Variants in AOAH observed in about 807,000 individuals in gnomAD.
AOAH encodes acyloxyacyl hydrolase (neutrophil).
A neutral mutation model predicts 92.2 loss-of-function variants in AOAH; 64 were observed. That is an observed-to-expected ratio of 0.69 (90% CI 0.57 to 0.86). The LOEUF (loss-of-function observed/expected upper bound fraction) is 0.86. Ranked by LOEUF, AOAH falls within the 40% of genes least tolerant of loss-of-function variation. AOAH has a pLI of 0.00. For synonymous variants in AOAH, 263 were observed against 254.5 expected (o/e 1.03, Z -0.32); for missense variants, 656 against 694.6 (o/e 0.94, Z 0.62).
intron 11 of AOAH, among the ~76,000 whole-genome samples, chr7:36,596,175 C>G (rs1222588231): frequency 1.4e-5 from 2 of 145,562 alleles, no homozygotes; most frequent in Non-Finnish European, 1.5e-5. Context: ...CCCCCCACCC[C>G]CCGTCACCTT....
At chr7:36,577,503 A>C (rs1197295741) in intron 12 of AOAH, among the ~76,000 whole-genome samples, 1 of 152,176 alleles carries the variant, frequency 6.6e-6, no homozygotes, top group African/African-American at 2.4e-5. Flanking sequence ...GTGTGAGAGA[A>C]ATAAACTCAT....
intron 11 of AOAH, among the ~76,000 whole-genome samples, chr7:36,610,630 T>C (rs999032332): frequency 6.6e-6 from 1 of 152,206 alleles, no homozygotes; most frequent in African/African-American, 2.4e-5. Context: ...ATAATTTCTT[T>C]ATTTTCACAT....
At chr7:36,634,453 A>G (rs539551183) in intron 5 of AOAH, among the ~76,000 whole-genome samples, 2 of 152,236 alleles carry the variant, frequency 1.3e-5, no homozygotes, top group East Asian at 3.9e-4. Context: ...TGCTTGCTCA[A>G]TCAATCACGA....
At chr7:36,596,451 T>C (rs1473440080) in intron 11 of AOAH, among the ~76,000 whole-genome samples, 1 of 152,146 alleles carries the variant, frequency 6.6e-6, no homozygotes, top group Non-Finnish European at 1.5e-5. Context: ...TGTTTGGAAA[T>C]AGAGTCGTTG....
chr7:36,604,382 G>C (rs1790837210), intron 11 of AOAH, among the ~76,000 whole-genome samples: 1 of 152,044 alleles, frequency 6.6e-6, no homozygotes, highest in African/African-American at 2.4e-5. Context: ...CATTTTTTGA[G>C]GCTGAGCCGG....
intron 18 of AOAH, among the ~76,000 whole-genome samples, chr7:36,531,945 G>A (rs1031677846): frequency 3.0e-4 from 46 of 152,160 alleles, no homozygotes; most frequent in Non-Finnish European, 5.9e-5. Flanking sequence ...ACAGTCAGCA[G>A]AGGACAGACC....
At chr7:36,684,310 A>C (rs990668422) in intron 2 of AOAH, among the ~76,000 whole-genome samples, 1 of 152,322 alleles carries the variant, frequency 6.6e-6, no homozygotes, top group Admixed American at 6.5e-5. Context: ...ACTGAAACCC[A>C]TCAGGTGTGT....
intron 1 of AOAH, among the ~76,000 whole-genome samples, chr7:36,715,470 A>T (rs2117002155): frequency 6.6e-6 from 1 of 151,600 alleles, no homozygotes; most frequent in East Asian, 1.9e-4. Context: ...ATTGGAAAAA[A>T]CTACTTTAAA....
chr7:36,689,734 G>A (rs1349631887), intron 1 of AOAH, among the ~76,000 whole-genome samples: 1 of 152,164 alleles, frequency 6.6e-6, no homozygotes, highest in Non-Finnish European at 1.5e-5. Flanking sequence ...GCCTGAAACA[G>A]CCTGGTATAT....
intron 4 of AOAH, among the ~76,000 whole-genome samples, chr7:36,652,419 G>A (rs775064950): frequency 1.3e-5 from 2 of 152,224 alleles, no homozygotes; most frequent in Non-Finnish European, 2.9e-5. Context: ...TTACATAGAA[G>A]AATTTCAAAA....
At chr7:36,676,906 T>C (rs34018527) in intron 2 of AOAH, among the ~76,000 whole-genome samples, 3,628 of 152,242 alleles carry the variant, frequency 0.024, 106 homozygotes, top group South Asian at 0.058. Flanking sequence ...GACACTTACT[T>C]CACACTATAT....
At chr7:36,544,162 G>A (rs1266302610) in intron 15 of AOAH, among the ~76,000 whole-genome samples, 1 of 151,868 alleles carries the variant, frequency 6.6e-6, no homozygotes, top group Admixed American at 6.6e-5. Context: ...GGCCAGGATG[G>A]TCTCAATCTC....
chr7:36,659,811 G>A (rs1350546584), intron 3 of AOAH, among the ~76,000 whole-genome samples: 6 of 135,672 alleles, frequency 4.4e-5, no homozygotes, highest in African/African-American at 8.5e-5. Context: ...CCTCTGAGCC[G>A]AAGCTCGGCC....
chr7:36,668,205 G>GTGTT (rs1337467082), intron 3 of AOAH, among the ~76,000 whole-genome samples: 1 of 152,116 alleles, frequency 6.6e-6, no homozygotes, highest in African/African-American at 2.4e-5. Context: ...GTGTGTGTGT[G>GTGTT]TGTGTCTCTA....
chr7:36,619,689 T>C (rs912005365), intron 9 of AOAH, among the ~76,000 whole-genome samples: 1 of 152,274 alleles, frequency 6.6e-6, no homozygotes, highest in South Asian at 2.1e-4. Context: ...CTAGAGGCCA[T>C]GGGACTGGAA....
rs150886491 is a variant in AOAH at position 36,581,685 on chromosome 7, C to T, written c.939-5029G>A. On this transcript the variant is annotated intron_variant, in intron 12 of 20. Transcript: ENST00000617537. ...AAAATATTGTTTTGCTCATGTCCTG[C>T]TCATGAAGAGTAAATAGTGTAGGTA... is the stretch of plus-strand genomic sequence containing the variant. 4.0e-3 allele frequency among the ~76,000 whole-genome samples: 608 copies of T among 152,222 alleles called. 3 individuals carry two copies. Among genetic ancestry groups the T allele is most frequent in the African/African-American group, 0.014 (593 of 41,530 alleles).
intron 1 of AOAH, among the ~76,000 whole-genome samples, chr7:36,703,312 C>T (rs774785786): frequency 2.4e-4 from 36 of 152,096 alleles, no homozygotes; most frequent in Non-Finnish European, 4.1e-4. Flanking sequence ...AAATCCTTTC[C>T]AGAAGGTTTT....
intron 1 of AOAH, among the ~76,000 whole-genome samples, chr7:36,713,901 A>T (rs995580167): frequency 2.6e-5 from 4 of 152,244 alleles, no homozygotes; most frequent in Non-Finnish European, 4.4e-5. Flanking sequence ...ACACCCTAAC[A>T]TCACAATTAA....
At chr7:36,622,937 T>C (rs1157907470) in intron 7 of AOAH, among the ~76,000 whole-genome samples, 1 of 152,068 alleles carries the variant, frequency 6.6e-6, no homozygotes, top group Non-Finnish European at 1.5e-5. Flanking sequence ...TCCCAGCTAC[T>C]TGGGAGGCAC....
Sources: gnomAD v4.1 joint callset for allele counts (sites outside exome capture counted in the v4.1 genomes callset) on GRCh38, gnomAD v4.1.1 for gene constraint, MANE v1.5 for transcripts, NCBI Gene and HGNC (gene_info 2026-07-23, HGNC 2026-07-21) for gene names.